Variants in WDR3 observed in about 807,000 individuals in gnomAD.
WDR3 encodes WD repeat domain 3.
WDR3 carries 81 observed loss-of-function variants against 123.7 expected under a neutral mutation model. That is an observed-to-expected ratio of 0.65 (90% CI 0.55 to 0.79). The LOEUF (loss-of-function observed/expected upper bound fraction) is 0.79, where lower values mean the gene tolerates loss of function less well. Ranked by LOEUF, WDR3 falls within the 30% of genes least tolerant of loss-of-function variation. The pLI, the probability that WDR3 is intolerant of heterozygous loss-of-function variation, is 0.00. For missense variants in WDR3, 1,027 were observed against 1,123.2 expected, an observed-to-expected ratio of 0.91 and a Z score of 1.22; for synonymous variants, 390 against 388.8, an observed-to-expected ratio of 1.00 and a Z score of -0.04.
At chr1:117,944,711 AT>A (rs1389190607) in intron 11 of WDR3, among the ~76,000 whole-genome samples, 1 of 151,864 alleles carries the variant, frequency 6.6e-6, no homozygotes, top group African/African-American at 2.4e-5. Context: ...TTATTTATTT[AT>A]TTATTTTGAG....
At chr1:117,953,411 TA>T in intron 20 of WDR3, 64 bp from the exon 21 acceptor site, 1 of 1,500,238 alleles carries the variant, frequency 6.7e-7, no homozygotes, top group South Asian at 1.1e-5. Flanking sequence ...GATGTAAGAT[TA>T]ATTTATCAGC....
At chr1:117,949,479 T>C (rs1409006960) in intron 13 of WDR3, among the ~76,000 whole-genome samples, 1 of 152,186 alleles carries the variant, frequency 6.6e-6, no homozygotes, top group Non-Finnish European at 1.5e-5. Context: ...ACTGAGAGTT[T>C]TTGTTTCTTC....
chr1:117,965,106 T>C lies in WDR3; in HGVS notation c.*5659T>C, dbSNP rs1435472385. On this transcript the variant is annotated 3_prime_UTR_variant, in exon 27 of 27. Transcript: ENST00000349139. ...TTTAATAAATTTTCTTGAAAGAATA[T>C]CCATAACTAATGTTTCTGCTTTCTT... 6.6e-6 allele frequency: 1 copy of C among 152,240 alleles called. No homozygotes were observed. The highest frequency in any genetic ancestry group is 1.5e-5 in the Non-Finnish European group (1 of 68,048). The allele number at this position is 152,240 out of a possible 1,614,324, so 9.4% of individuals were successfully genotyped here.
chr1:117,942,741 C>G (rs1443409051), intron 10 of WDR3, among the ~76,000 whole-genome samples, 197 bp downstream of exon 10: 7 of 151,996 alleles, frequency 4.6e-5, no homozygotes, highest in Non-Finnish European at 7.4e-5. Flanking sequence ...TATTATAGTA[C>G]CCTTTTTAGC....
intron 11 of WDR3, among the ~76,000 whole-genome samples, chr1:117,945,284 C>A (rs963997723): frequency 1.3e-5 from 2 of 152,152 alleles, no homozygotes; most frequent in African/African-American, 4.8e-5. Context: ...CCTTACACAC[C>A]TTATCTCTTA....
chr1:117,933,632 C>T (rs1314391292), intron 2 of WDR3, 142 bp downstream of exon 2: 14 of 1,061,716 alleles, frequency 1.3e-5, no homozygotes, highest in Non-Finnish European at 2.0e-5. Context: ...TCCTTTAGGT[C>T]TAGCTAGCCA....
intron 1 of WDR3, among the ~76,000 whole-genome samples, chr1:117,932,991 T>A (rs115722779): frequency 0.013 from 1,977 of 150,778 alleles, 33 homozygotes; most frequent in South Asian, 0.09. Context: ...GGTGAGGCTT[T>A]CGAGACGAGC....
chr1:117,935,974 G>A (rs1557817101), intron 3 of WDR3, among the ~76,000 whole-genome samples: 1 of 151,850 alleles, frequency 6.6e-6, no homozygotes, highest in Non-Finnish European at 1.5e-5. Flanking sequence ...TCATGAATTG[G>A]CAATTCAAAA....
rs1339964282 is a variant in WDR3 at position 117,943,601 on chromosome 1, G to A, written c.1303G>A (p.Ala435Thr). ...SDNIAVLSAAADSIKIWNRST... is the reference protein window; with the variant it reads ...SDNIAVLSAATDSIKIWNRST... ...CAATATTGCTGTTCTTTCAGCTGCAGCTGATTCCATTAAAATATGGAACAG... is the reference window on the plus strand; with the variant it reads ...CAATATTGCTGTTCTTTCAGCTGCAACTGATTCCATTAAAATATGGAACAG... Residue 435 changes from alanine to threonine, a missense_variant, in exon 11 of 27, where the codon GCT becomes ACT. Transcript: ENST00000349139. 2 of 1,613,986 alleles carry A rather than the reference G, an allele frequency of 1.2e-6. No individual in the cohort carries two copies. Among genetic ancestry groups the A allele is most frequent in the Admixed American group, 1.7e-5 (1 of 59,992 alleles).
intron 12 of WDR3, among the ~76,000 whole-genome samples, chr1:117,946,499 A>C (rs945555002): frequency 7.2e-5 from 11 of 152,200 alleles, no homozygotes; most frequent in African/African-American, 2.4e-4. Context: ...AATTAAATAT[A>C]TTAAGTACCT....
intron 9 of WDR3, among the ~76,000 whole-genome samples, chr1:117,942,074 A>T (rs1254902863): frequency 6.6e-6 from 1 of 152,188 alleles, no homozygotes; most frequent in African/African-American, 2.4e-5. Flanking sequence ...ACATGGTTGG[A>T]TTGTTAAGTG....
chr1:117,946,813 C>T (rs1347506811), intron 12 of WDR3, among the ~76,000 whole-genome samples: 1 of 151,552 alleles, frequency 6.6e-6, no homozygotes, highest in Non-Finnish European at 1.5e-5. Flanking sequence ...TGGTGGCGGG[C>T]GCCTGTAGTC....
intron 3 of WDR3, among the ~76,000 whole-genome samples, chr1:117,935,572 G>A (rs1295360535): frequency 6.6e-6 from 1 of 151,904 alleles, no homozygotes; most frequent in East Asian, 1.9e-4. Flanking sequence ...AAAAATGATA[G>A]ATTACTTATA....
At chr1:117,932,399 A>T (rs1459392840) in intron 1 of WDR3, among the ~76,000 whole-genome samples, 1 of 152,238 alleles carries the variant, frequency 6.6e-6, no homozygotes, top group African/African-American at 2.4e-5. Flanking sequence ...GCCCTACCTC[A>T]GACTTATGAA....
intron 16 of WDR3, among the ~76,000 whole-genome samples, chr1:117,951,409 A>G (rs1209622278): frequency 6.8e-6 from 1 of 148,142 alleles, no homozygotes; most frequent in Non-Finnish European, 1.5e-5. Context: ...CTCCGTCTCA[A>G]AAAAAAAAAA....
intron 8 of WDR3, 131 bp downstream of exon 8, chr1:117,941,356 A>G: frequency 1.3e-6 from 1 of 792,394 alleles, no homozygotes; most frequent in Non-Finnish European, 1.9e-6. Flanking sequence ...TACTGTGTGG[A>G]CCTATAATCT....
chr1:117,958,269 AT>A (rs1652511484), intron 25 of WDR3, among the ~76,000 whole-genome samples: 1 of 152,214 alleles, frequency 6.6e-6, no homozygotes, highest in Non-Finnish European at 1.5e-5. Context: ...AAGAAGAATA[AT>A]ATGTTCTGTT....
At chr1:117,938,228 G>A (rs917565457) in intron 4 of WDR3, among the ~76,000 whole-genome samples, 1 of 152,136 alleles carries the variant, frequency 6.6e-6, no homozygotes, top group African/African-American at 2.4e-5. Context: ...ATCAAATTCT[G>A]TATTCTTTGG....
At chr1:117,948,592 G>GTT (rs11370392) in intron 13 of WDR3, 86 bp downstream of exon 13, 32,572 of 562,992 alleles carry the variant, frequency 0.058, no homozygotes, top group South Asian at 0.081. Context: ...AAAGCCTGAG[G>GTT]TTTTTTTTTT....
Sources: allele counts gnomAD v4.1 joint callset (sites outside exome capture counted in the v4.1 genomes callset), GRCh38; gene constraint gnomAD v4.1.1; transcripts MANE v1.5; gene names NCBI Gene and HGNC (gene_info 2026-07-23, HGNC 2026-07-21).